Variants in GPM6A observed in about 807,000 individuals in gnomAD.
GPM6A encodes the protein glycoprotein M6A, also known as neuronal membrane glycoprotein M6-a.
A neutral mutation model predicts 32.1 loss-of-function variants in GPM6A; 7 were observed. The ratio of observed to expected loss-of-function variants is 0.22; its 90% CI spans 0.12 to 0.41. GPM6A has a LOEUF of 0.41. Ranked by LOEUF, GPM6A falls within the 10% of genes least tolerant of loss-of-function variation. The pLI is 1.00. For synonymous variants in GPM6A, 130 were observed against 123.4 expected, an observed-to-expected ratio of 1.05 and a Z score of -0.35; for missense variants, 235 against 347.2, an observed-to-expected ratio of 0.68 and a Z score of 2.57.
At chr4:175,685,833 T>A (rs770594046) in intron 2 of GPM6A, among the ~76,000 whole-genome samples, 7 of 152,166 alleles carry the variant, frequency 4.6e-5, no homozygotes, top group Non-Finnish European at 1.0e-4. Flanking sequence ...ATCATACATC[T>A]CTTCTTATCT....
chr4:175,675,912 T>A (rs1743340416), intron 2 of GPM6A, among the ~76,000 whole-genome samples: 1 of 152,032 alleles, frequency 6.6e-6, no homozygotes, highest in Admixed American at 6.6e-5. Context: ...TCTGATATGG[T>A]TTGGCTGTGT....
intron 1 of GPM6A, among the ~76,000 whole-genome samples, chr4:175,906,095 A>G (rs1738123503): frequency 6.6e-6 from 1 of 152,164 alleles, no homozygotes; most frequent in Admixed American, 6.6e-5. Flanking sequence ...TATTGTGCTT[A>G]ACACCATCAA....
chr4:175,809,941 C>T (rs1734849260), intron 1 of GPM6A, among the ~76,000 whole-genome samples: 1 of 152,120 alleles, frequency 6.6e-6, no homozygotes, highest in Non-Finnish European at 1.5e-5. Flanking sequence ...ACAGGAAAGA[C>T]AAGGTCTAAA....
chr4:175,733,958 AT>A (rs1731541870), intron 1 of GPM6A, among the ~76,000 whole-genome samples: 1 of 152,124 alleles, frequency 6.6e-6, no homozygotes, highest in South Asian at 2.1e-4. Flanking sequence ...TGTCCCAAAC[AT>A]GGTAACTCCT....
intron 1 of GPM6A, among the ~76,000 whole-genome samples, chr4:175,948,717 T>C (rs1739697321): frequency 6.6e-6 from 1 of 151,252 alleles, no homozygotes; most frequent in African/African-American, 2.5e-5. Flanking sequence ...AGAAGAATTA[T>C]AATTGTGATT....
In GPM6A at chr4:175,640,224, G is replaced by A. The variant is rs758652300; in HGVS notation, c.619-30C>T. ...AATGGAAACCACAGAGAATCAAAAG[G>A]TGTCAGAGTTATAGGTAGAAGAGAA... On this transcript the variant is annotated intron_variant, in intron 5 of 6. Coordinates refer to ENST00000393658, the MANE Select transcript of GPM6A (RefSeq NM_201591.3). 2.6e-6 allele frequency: 4 copies of A among 1,568,596 alleles called. No homozygotes were observed. In the Admixed American group the frequency reaches 6.7e-5, roughly 26 times the overall value.
chr4:175,846,805 A>G (rs1736100601), intron 1 of GPM6A, among the ~76,000 whole-genome samples: 2 of 152,124 alleles, frequency 1.3e-5, no homozygotes, highest in African/African-American at 4.8e-5. Flanking sequence ...GTACTTTAAT[A>G]AAAATATACA....
At chr4:175,828,582 A>G (rs1230771496) in intron 1 of GPM6A, among the ~76,000 whole-genome samples, 2 of 152,188 alleles carry the variant, frequency 1.3e-5, no homozygotes, top group Admixed American at 6.5e-5. Context: ...CCTAATGCAA[A>G]GAGTTTTTAA....
At chr4:175,637,624 ATT>A (rs1740814928) in intron 6 of GPM6A, among the ~76,000 whole-genome samples, 6 of 31,912 alleles carry the variant, frequency 1.9e-4, no homozygotes, top group African/African-American at 2.7e-4. Flanking sequence ...TATAATATAT[ATT>A]ATATATATAT....
At chr4:175,637,625 T>A (rs867431098) in intron 6 of GPM6A, among the ~76,000 whole-genome samples, 35 of 55,864 alleles carry the variant, frequency 6.3e-4, no homozygotes, top group African/African-American at 2.6e-3. Context: ...ATAATATATA[T>A]TATATATATA....
intron 5 of GPM6A, 68 bp from the exon 6 acceptor site, chr4:175,640,262 ACTGT>A: frequency 1.6e-6 from 2 of 1,226,212 alleles, no homozygotes; most frequent in South Asian, 2.4e-5. Flanking sequence ...CAAGATTGCT[ACTGT>A]CTTATAAACA....
intron 1 of GPM6A, among the ~76,000 whole-genome samples, chr4:175,899,627 A>G (rs1737890353): frequency 6.6e-6 from 1 of 152,290 alleles, no homozygotes; most frequent in East Asian, 1.9e-4. Context: ...TGGGGAAGAG[A>G]GTCTCTTTAA....
chr4:175,947,490 T>G (rs940076792), intron 1 of GPM6A, among the ~76,000 whole-genome samples: 20 of 152,074 alleles, frequency 1.3e-4, no homozygotes, highest in African/African-American at 4.8e-4. Flanking sequence ...AGAATAATAT[T>G]TCTTAAGTCT....
intron 1 of GPM6A, among the ~76,000 whole-genome samples, chr4:175,729,344 CT>C (rs1433349554): frequency 6.6e-6 from 1 of 152,144 alleles, no homozygotes; most frequent in African/African-American, 2.4e-5. Context: ...ATGCCCCTCT[CT>C]CCCCGGTGGC....
chr4:175,962,730 T>C (rs1369179674), intron 1 of GPM6A, among the ~76,000 whole-genome samples: 1 of 152,166 alleles, frequency 6.6e-6, no homozygotes, highest in Non-Finnish European at 1.5e-5. Flanking sequence ...ACTAAAGACC[T>C]ATTTACCTCA....
chr4:175,931,701 C>T (rs1167790589), intron 1 of GPM6A, among the ~76,000 whole-genome samples: 490 of 146,530 alleles, frequency 3.3e-3, no homozygotes, highest in South Asian at 0.016. Context: ...CACACACACA[C>T]ACACACACAT....
chr4:175,673,841 G>A lies in GPM6A; in HGVS notation c.231-5C>T, dbSNP rs769045367. On this transcript the variant is annotated splice_region_variant and splice_polypyrimidine_tract_variant and intron_variant, in intron 2 of 6. Coordinates refer to ENST00000393658, the MANE Select transcript of GPM6A (RefSeq NM_201591.3). ...ACATACTTAAAGATGTCAATCCTGA[G>A]AGAAAAGACAAAGTGATTTATTTCA... is the stretch of plus-strand genomic sequence containing the variant. The A allele has an allele frequency of 1.3e-6, 2 of 1,577,786 alleles. No homozygotes were observed. Among genetic ancestry groups the A allele is most frequent in the Non-Finnish European group, 1.7e-6 (2 of 1,153,202 alleles).
At position 175,658,497 on chromosome 4, in the gene GPM6A, G is replaced by A. The variant is rs1476231687; in HGVS notation, c.388-6510C>T. The stretch of plus-strand genomic sequence containing the variant: ...TATTCTGTATGAAAGTATAATGGTG[G>A]ATACGTGTCATTATACATTTGGCAA... On this transcript the variant is annotated intron_variant, in intron 3 of 6. Transcript: ENST00000393658. Among the ~76,000 whole-genome samples, 2 of 152,122 alleles carry A rather than the reference G, an allele frequency of 1.3e-5. 1 individual carries two copies. The highest frequency in any genetic ancestry group is 4.8e-5 in the African/African-American group (2 of 41,418).
At chr4:175,916,325 T>C (rs1738492057) in intron 1 of GPM6A, among the ~76,000 whole-genome samples, 1 of 152,158 alleles carries the variant, frequency 6.6e-6, no homozygotes, top group African/African-American at 2.4e-5. Flanking sequence ...CTGACTCTCT[T>C]AGCCAAGGGC....
Sources: allele counts gnomAD v4.1 joint callset (sites outside exome capture counted in the v4.1 genomes callset), GRCh38; gene constraint gnomAD v4.1.1; transcripts MANE v1.5; gene names NCBI Gene and HGNC (gene_info 2026-07-23, HGNC 2026-07-21).